The following TUSC3 variants were observed in gnomAD, a reference collection of about 807,000 sequenced individuals.
TUSC3 encodes the protein tumor suppressor candidate 3.
A neutral mutation model predicts 44.8 loss-of-function variants in TUSC3; 45 were observed. The observed-to-expected ratio is 1.00, with a 90% CI of 0.79 to 1.29. TUSC3 has a LOEUF of 1.29. TUSC3 is among the 50% of genes most tolerant of loss of function. The pLI is 0.00. For missense variants in TUSC3, 519 were observed against 437.9 expected (o/e 1.19, Z -1.65); for synonymous variants, 212 against 152.9 (o/e 1.39, Z -2.85).
chr8:15,473,309 T>G (rs1276210926), intron 1 of TUSC3, among the ~76,000 whole-genome samples: 1 of 152,206 alleles, frequency 6.6e-6, no homozygotes, highest in African/African-American at 2.4e-5. Context: ...TTTACAACAC[T>G]GCAACAAAAA....
the TUSC3 span, among the ~76,000 whole-genome samples, chr8:15,827,020 T>C: frequency 3.9e-5 from 6 of 152,312 alleles, no homozygotes; most frequent in East Asian, 1.9e-4. Context: ...GGTCTGCTCA[T>C]TGTCCAGCTG....
chr8:15,782,832 T>C, the TUSC3 span, among the ~76,000 whole-genome samples: 1 of 152,178 alleles, frequency 6.6e-6, no homozygotes, highest in African/African-American at 2.4e-5. Context: ...CCAAGATGTC[T>C]ACTCTCACCA....
chr8:15,813,907 G>C, the TUSC3 span, among the ~76,000 whole-genome samples: 3 of 152,012 alleles, frequency 2.0e-5, no homozygotes, highest in Non-Finnish European at 4.4e-5. Context: ...CTAACATCTA[G>C]CTCCACCGTT....
intron 2 of TUSC3, among the ~76,000 whole-genome samples, chr8:15,636,350 T>A (rs1806074763): frequency 6.6e-6 from 1 of 152,182 alleles, no homozygotes; most frequent in Non-Finnish European, 1.5e-5. Flanking sequence ...GCTGTTTTTT[T>A]AATGTAAAAC....
chr8:15,754,761 A>G lies in TUSC3; in HGVS notation c.1029-3030A>G, dbSNP rs149281304. ...ACTGTATCCATAATTATCTTTATGT[A>G]CAGAACCGTGATCATAATTGTCTTT... On this transcript the variant is annotated intron_variant, in intron 9 of 10. Coordinates refer to ENST00000503731, the MANE Select transcript of TUSC3 (RefSeq NM_006765.4). 6.3e-3 allele frequency among the ~76,000 whole-genome samples: 947 copies of G among 149,872 alleles called. 6 individuals are homozygous for G. Among genetic ancestry groups the G allele is most frequent in the African/African-American group, 0.022 (904 of 41,284 alleles).
intron 1 of TUSC3, among the ~76,000 whole-genome samples, chr8:15,472,038 A>C (rs2129123141): frequency 6.6e-6 from 1 of 152,368 alleles, no homozygotes; most frequent in South Asian, 2.1e-4. Flanking sequence ...TAAGTAACAT[A>C]ACCAAAATAT....
At chr8:15,586,431 C>T (rs550470273) in intron 1 of TUSC3, among the ~76,000 whole-genome samples, 10 of 151,984 alleles carry the variant, frequency 6.6e-5, no homozygotes, top group Non-Finnish European at 1.3e-4. Flanking sequence ...AGGAAAACAG[C>T]AGAAGGAGTC....
At chr8:15,849,352 G>A in the TUSC3 span, among the ~76,000 whole-genome samples, 13 of 152,070 alleles carry the variant, frequency 8.5e-5, no homozygotes, top group Non-Finnish European at 1.6e-4. Context: ...GTGGGGAGTT[G>A]CACAGACACA....
intron 1 of TUSC3, among the ~76,000 whole-genome samples, chr8:15,612,512 A>C (rs1051550934): frequency 6.6e-6 from 1 of 152,198 alleles, no homozygotes; most frequent in Non-Finnish European, 1.5e-5. Context: ...TTGAGAAAAA[A>C]TGGAGTGGTG....
At chr8:15,736,145 G>A (rs1395296336) in intron 7 of TUSC3, among the ~76,000 whole-genome samples, 4 of 152,172 alleles carry the variant, frequency 2.6e-5, no homozygotes, top group African/African-American at 9.7e-5. Context: ...GCAGGTGCAT[G>A]TGCTTTGTGC....
Position 15,635,502 on chromosome 8 carries a change from A to G in TUSC3, c.308+12253A>G, listed in dbSNP as rs151013163. The stretch of plus-strand genomic sequence containing the variant: ...AGGCACAGTATTATTAGACTGTAAT[A>G]TAGTCCAGAGAGCCAGAAATAATGA... On this transcript the variant is annotated intron_variant, in intron 2 of 10. Coordinates refer to ENST00000503731, the MANE Select transcript of TUSC3 (RefSeq NM_006765.4). Among the ~76,000 whole-genome samples, 355 of 152,286 alleles carry G rather than the reference A, an allele frequency of 2.3e-3. 2 individuals carry two copies. Among genetic ancestry groups the G allele is most frequent in the Admixed American group, 6.7e-3 (102 of 15,290 alleles).
chr8:15,777,060 G>T, the TUSC3 span, among the ~76,000 whole-genome samples: 1 of 152,066 alleles, frequency 6.6e-6, no homozygotes, highest in South Asian at 2.1e-4. Flanking sequence ...CGGTTTTTAA[G>T]TCTTACAAGG....
At chr8:15,556,436 C>A (rs1028225366) in intron 1 of TUSC3, among the ~76,000 whole-genome samples, 1 of 151,412 alleles carries the variant, frequency 6.6e-6, no homozygotes, top group Non-Finnish European at 1.5e-5. Context: ...CAAGTCTTTG[C>A]TGTTGTGAAT....
intron 1 of TUSC3, among the ~76,000 whole-genome samples, chr8:15,469,827 A>C (rs1408777425): frequency 6.6e-6 from 1 of 152,250 alleles, no homozygotes; most frequent in Non-Finnish European, 1.5e-5. Flanking sequence ...TAAATGAGCT[A>C]TGAAGCCATG....
At chr8:15,552,269 A>G (rs1034381574) in intron 1 of TUSC3, among the ~76,000 whole-genome samples, 1 of 151,794 alleles carries the variant, frequency 6.6e-6, no homozygotes, top group Admixed American at 6.6e-5. Flanking sequence ...AGTTTCTCCA[A>G]TATGTGATCT....
chr8:15,757,632 G>C (rs1427213817), intron 9 of TUSC3, among the ~76,000 whole-genome samples, 159 bp from the exon 10 acceptor site: 1 of 151,928 alleles, frequency 6.6e-6, no homozygotes, highest in East Asian at 1.9e-4. Context: ...ATGATTAAGA[G>C]ATAAGCTGGC....
At chr8:15,741,749 A>G (rs1328151968) in intron 7 of TUSC3, among the ~76,000 whole-genome samples, 1 of 152,212 alleles carries the variant, frequency 6.6e-6, no homozygotes, top group Non-Finnish European at 1.5e-5. Flanking sequence ...TATTTGAATT[A>G]TTAGTTTAAA....
At chr8:15,758,650 C>G (rs755047091) in intron 10 of TUSC3, among the ~76,000 whole-genome samples, 1 of 152,038 alleles carries the variant, frequency 6.6e-6, no homozygotes, top group Non-Finnish European at 1.5e-5. Context: ...CTCCTGTGTT[C>G]CAAAAGAGTT....
chr8:15,504,641 T>A (rs1468893869), intron 2 of TUSC3, among the ~76,000 whole-genome samples: 2 of 98,010 alleles, frequency 2.0e-5, no homozygotes, highest in Non-Finnish European at 4.7e-5. Context: ...TTTTTTTTTT[T>A]TAAGTGGGTT....
Sources: gnomAD v4.1 joint callset for allele counts (sites outside exome capture counted in the v4.1 genomes callset) on GRCh38, gnomAD v4.1.1 for gene constraint, MANE v1.5 for transcripts, NCBI Gene and HGNC (gene_info 2026-07-23, HGNC 2026-07-21) for gene names.